Variants in COL5A2 observed in about 807,000 individuals in gnomAD.
COL5A2 encodes the protein collagen alpha-2(V) chain.
In COL5A2, 23 loss-of-function variants were observed where a neutral mutation model predicts 208.2. That is an observed-to-expected ratio of 0.11 (90% CI 0.08 to 0.16). The LOEUF (loss-of-function observed/expected upper bound fraction) is 0.16. Ranked by LOEUF, COL5A2 falls within the 10% of genes least tolerant of loss-of-function variation. The pLI, the probability that COL5A2 is intolerant of heterozygous loss-of-function variation, is 1.00. For synonymous variants in COL5A2, 625 were observed against 628.5 expected (o/e 0.99, Z 0.08); for missense variants, 1,590 against 1,956.4 (o/e 0.81, Z 3.53).
the COL5A2 span, among the ~76,000 whole-genome samples, chr2:189,393,983 T>TTG: frequency 6.6e-6 from 1 of 152,196 alleles, no homozygotes; most frequent in Admixed American, 6.5e-5. Context: ...TCCCCATCTG[T>TTG]TGTAGGCCAT....
At chr2:189,245,964 C>T in the COL5A2 span, among the ~76,000 whole-genome samples, 1 of 152,140 alleles carries the variant, frequency 6.6e-6, no homozygotes, top group South Asian at 2.1e-4. Context: ...CACGAAAGCA[C>T]TCAGTTTAAT....
chr2:189,255,319 G>A, the COL5A2 span, among the ~76,000 whole-genome samples: 1 of 152,180 alleles, frequency 6.6e-6, no homozygotes, highest in Non-Finnish European at 1.5e-5. Flanking sequence ...TAACATTTGT[G>A]TAGTCATTCA....
At chr2:189,079,918 A>G (rs1576513104) in intron 14 of COL5A2, 60 bp downstream of exon 14, 1 of 1,411,026 alleles carries the variant, frequency 7.1e-7, no homozygotes. Context: ...AAATGTGTAA[A>G]CATTTGAAGC....
At chr2:189,063,673 A>T (rs533646702) in intron 26 of COL5A2, among the ~76,000 whole-genome samples, 2 of 152,322 alleles carry the variant, frequency 1.3e-5, no homozygotes, top group South Asian at 4.1e-4. Flanking sequence ...AATTAGAAGG[A>T]TATAAAAATG....
chr2:189,098,967 T>C (rs886980655), intron 4 of COL5A2, among the ~76,000 whole-genome samples: 1 of 152,184 alleles, frequency 6.6e-6, no homozygotes, highest in Non-Finnish European at 1.5e-5. Context: ...GGCGTAATGA[T>C]AAAGAGCACC....
the COL5A2 span, among the ~76,000 whole-genome samples, chr2:189,292,167 T>A: frequency 3.5e-4 from 54 of 152,218 alleles, no homozygotes; most frequent in Non-Finnish European, 6.6e-4. Flanking sequence ...ATTGTCAATA[T>A]ATACCATGGG....
At chr2:189,389,398 CA>C in the COL5A2 span, among the ~76,000 whole-genome samples, 1 of 152,130 alleles carries the variant, frequency 6.6e-6, no homozygotes, top group Non-Finnish European at 1.5e-5. Flanking sequence ...TTATAAGATA[CA>C]TTTGATTCAT....
At chr2:189,385,561 C>T in the COL5A2 span, among the ~76,000 whole-genome samples, 2 of 151,948 alleles carry the variant, frequency 1.3e-5, no homozygotes, top group Admixed American at 1.3e-4. Flanking sequence ...AAGCAATGTA[C>T]AGATTCAATG....
At chr2:189,240,490 G>T in the COL5A2 span, among the ~76,000 whole-genome samples, 1 of 152,298 alleles carries the variant, frequency 6.6e-6, no homozygotes, top group South Asian at 2.1e-4. Context: ...ACTTCAACGT[G>T]TGAATTTTAG....
the COL5A2 span, among the ~76,000 whole-genome samples, chr2:189,352,304 T>G: frequency 6.6e-6 from 1 of 152,226 alleles, no homozygotes; most frequent in African/African-American, 2.4e-5. Flanking sequence ...TATAATCCTT[T>G]GGGTATACAC....
the COL5A2 span, among the ~76,000 whole-genome samples, chr2:189,258,774 T>C: frequency 1.1e-4 from 17 of 152,200 alleles, no homozygotes; most frequent in African/African-American, 3.1e-4. Context: ...AAAAGCCACG[T>C]CGCCAGAGAG....
chr2:189,077,592 C>T (rs866738682), intron 16 of COL5A2, among the ~76,000 whole-genome samples: 24 of 152,202 alleles, frequency 1.6e-4, no homozygotes, highest in Admixed American at 1.1e-3. Context: ...TATTGATAGA[C>T]GATGTTAGCC....
the COL5A2 span, among the ~76,000 whole-genome samples, chr2:189,247,834 C>A: frequency 6.6e-6 from 1 of 152,262 alleles, no homozygotes; most frequent in East Asian, 1.9e-4. Flanking sequence ...CGCATCTCAG[C>A]ATCCCAAAGT....
chr2:189,057,082 G>C, intron 34 of COL5A2, 56 bp from the exon 35 acceptor site: 3 of 1,565,170 alleles, frequency 1.9e-6, no homozygotes, highest in South Asian at 1.1e-5. Flanking sequence ...TCCCACACTT[G>C]TGTGTAAGTT....
At chr2:189,371,633 C>A in the COL5A2 span, among the ~76,000 whole-genome samples, 2 of 152,162 alleles carry the variant, frequency 1.3e-5, no homozygotes, top group Admixed American at 6.5e-5. Context: ...GAAGTTTAAG[C>A]TTAAGAATGA....
chr2:189,189,661 A>G (rs1688899109), intron 1 of COL5A2, among the ~76,000 whole-genome samples: 1 of 144,186 alleles, frequency 6.9e-6, no homozygotes, highest in Admixed American at 7.3e-5. Context: ...CTTAAGTAAA[A>G]AGGAAAATAT....
the COL5A2 span, among the ~76,000 whole-genome samples, chr2:189,429,291 C>T: frequency 6.6e-6 from 1 of 152,286 alleles, no homozygotes; most frequent in South Asian, 2.1e-4. Context: ...GAATAACTTA[C>T]AGCATCAGTA....
In COL5A2 at chr2:189,068,249, T is replaced by C. The variant is rs759103569; in HGVS notation, c.1279A>G (p.Thr427Ala). 1 of 1,613,510 alleles carries C rather than the reference T, an allele frequency of 6.2e-7. No individual in the cohort carries two copies. Among genetic ancestry groups the C allele is most frequent in the African/African-American group, 1.3e-5 (1 of 74,882 alleles). ...GLPGAIGTDG[T>A]PGAKGPTGSP... is the part of the protein sequence containing the mutation. Reference sequence around the variant, plus strand: ...ACCGTTGGGCCTTTGGCACCAGGAGTACCATCAGTTCCTATTGCACCCTAA... The same window carrying C: ...ACCGTTGGGCCTTTGGCACCAGGAGCACCATCAGTTCCTATTGCACCCTAA... The change falls in exon 20 of 54, where the codon ACT (threonine) becomes GCT (alanine). Residue 427 changes from threonine (T) to alanine (A), a missense_variant. By Grantham distance (58) the Thr-to-Ala change is moderately conservative (BLOSUM62 0). Coordinates refer to ENST00000374866, the MANE Select transcript of COL5A2 (RefSeq NM_000393.5).
the COL5A2 span, among the ~76,000 whole-genome samples, chr2:189,416,429 G>T: frequency 6.6e-6 from 1 of 152,210 alleles, no homozygotes; most frequent in Non-Finnish European, 1.5e-5. Flanking sequence ...GATGAAGCTG[G>T]AAACTATCAT....
Sources: gnomAD v4.1 joint callset for allele counts (sites outside exome capture counted in the v4.1 genomes callset) on GRCh38, gnomAD v4.1.1 for gene constraint, MANE v1.5 for transcripts, NCBI Gene and HGNC (gene_info 2026-07-23, HGNC 2026-07-21) for gene names.